Variants in POU6F2 observed in about 807,000 individuals in gnomAD.
POU6F2 encodes the protein POU domain, class 6, transcription factor 2.
POU6F2 carries 31 observed loss-of-function variants against 71.3 expected under a neutral mutation model. The observed-to-expected ratio is 0.43, with a 90% CI of 0.33 to 0.59. The LOEUF is 0.59. POU6F2 is among the 20% of genes least tolerant of loss of function. The probability of loss-of-function intolerance (pLI) is 0.04; values close to 1 mark genes in which losing one functional copy is unlikely to be tolerated. For synonymous variants in POU6F2, 347 were observed against 355.7 expected (o/e 0.98, Z 0.27); for missense variants, 783 against 856.8 (o/e 0.91, Z 1.07).
In POU6F2 at chr7:39,176,334, C is replaced by T. The variant is rs542231289; in HGVS notation, c.278-27901C>T. On this transcript the variant is annotated intron_variant, in intron 2 of 9. Transcript: ENST00000518318. ...CTACATTATCCTTAATGCTTAAATT[C>T]GAGGAAAAATTGCTCTGTAAGGAAT... Among the ~76,000 whole-genome samples, 9 of 152,204 alleles carry T rather than the reference C, an allele frequency of 5.9e-5. No homozygotes were observed. In the South Asian group the frequency reaches 8.3e-4, roughly 14 times the overall value.
At chr7:39,234,864 A>G (rs1169487771) in intron 4 of POU6F2, among the ~76,000 whole-genome samples, 3 of 152,224 alleles carry the variant, frequency 2.0e-5, no homozygotes, top group Non-Finnish European at 4.4e-5. Flanking sequence ...CTATCCAGAT[A>G]GGGCATCAAA....
intron 7 of POU6F2, among the ~76,000 whole-genome samples, chr7:39,443,722 C>G (rs1458618988): frequency 1.3e-5 from 2 of 152,138 alleles, no homozygotes; most frequent in African/African-American, 2.4e-5. Flanking sequence ...GTTAAAAGCT[C>G]AAAAGGTATA....
At chr7:39,055,980 A>T (rs1790507822) in intron 1 of POU6F2, among the ~76,000 whole-genome samples, 2 of 151,306 alleles carry the variant, frequency 1.3e-5, no homozygotes, top group Admixed American at 1.3e-4. Flanking sequence ...TTTGGTCTAG[A>T]TGACTCATCT....
intron 4 of POU6F2, among the ~76,000 whole-genome samples, chr7:39,219,003 A>C (rs1382136260): frequency 2.0e-5 from 3 of 152,162 alleles, no homozygotes; most frequent in Non-Finnish European, 4.4e-5. Flanking sequence ...ACCATTCTTC[A>C]AGCCCTGGAA....
chr7:39,013,370 C>T (rs1425662083), intron 1 of POU6F2: 8 of 152,476 alleles, frequency 5.2e-5, no homozygotes, highest in African/African-American at 1.4e-4. Flanking sequence ...GAGGCAATGC[C>T]TCGCCCTGCT....
At chr7:38,980,077 T>G (rs988293548) in intron 1 of POU6F2, among the ~76,000 whole-genome samples, 1 of 152,200 alleles carries the variant, frequency 6.6e-6, no homozygotes, top group Non-Finnish European at 1.5e-5. Context: ...TATGTACTCT[T>G]TAGTATAATT....
At chr7:39,302,666 A>G (rs747746742) in intron 4 of POU6F2, among the ~76,000 whole-genome samples, 3 of 152,364 alleles carry the variant, frequency 2.0e-5, no homozygotes, top group South Asian at 2.1e-4. Flanking sequence ...GAAACAATCA[A>G]TGAGAGCCAG....
intron 2 of POU6F2, among the ~76,000 whole-genome samples, chr7:39,168,041 T>G (rs4720311): frequency 0.41 from 62,658 of 151,866 alleles, 13,373 homozygotes; most frequent in East Asian, 0.75. Context: ...TTTTTTTGTG[T>G]CTGGCATATC....
intron 1 of POU6F2, among the ~76,000 whole-genome samples, chr7:38,988,142 A>G (rs1251018526): frequency 6.6e-6 from 1 of 152,074 alleles, no homozygotes; most frequent in East Asian, 1.9e-4. Context: ...CAGAGAGGTT[A>G]TGTGTCTTAT....
intron 5 of POU6F2, among the ~76,000 whole-genome samples, chr7:39,355,981 A>G (rs1302647281): frequency 6.6e-6 from 1 of 152,156 alleles, no homozygotes; most frequent in African/African-American, 2.4e-5. Context: ...GGCCAGGTCC[A>G]CAGGCCCCTG....
At chr7:39,061,070 A>G (rs1411635898) in intron 1 of POU6F2, among the ~76,000 whole-genome samples, 1 of 152,184 alleles carries the variant, frequency 6.6e-6, no homozygotes, top group Non-Finnish European at 1.5e-5. Context: ...ATATTAATGC[A>G]TGTTAAAATA....
At chr7:39,314,072 A>G (rs1325506930) in intron 4 of POU6F2, among the ~76,000 whole-genome samples, 6 of 152,210 alleles carry the variant, frequency 3.9e-5, no homozygotes, top group South Asian at 2.1e-4. Context: ...CGATTGTTCT[A>G]TTGTGTGTGA....
intron 1 of POU6F2, among the ~76,000 whole-genome samples, chr7:39,017,668 G>T (rs1789589066): frequency 6.6e-6 from 1 of 152,042 alleles, no homozygotes; most frequent in Non-Finnish European, 1.5e-5. Flanking sequence ...TAGCCATACC[G>T]GGCGTTCCTG....
At position 39,125,123 on chromosome 7, in the gene POU6F2, G is replaced by C. The variant is rs528828670; in HGVS notation, c.277+39092G>C. On this transcript the variant is annotated intron_variant, in intron 2 of 9. Transcript: ENST00000518318. ...CTTTTTTTAAATTGCACTTTAACTT[G>C]TATAGAAAATACTTTGATTCAGTTT... 7.9e-5 allele frequency among the ~76,000 whole-genome samples: 12 copies of C among 151,730 alleles called. 1 individual carries two copies. In the South Asian group the frequency reaches 1.9e-3, roughly 24 times the overall value.
At chr7:39,011,886 G>A (rs936213094) in intron 1 of POU6F2, among the ~76,000 whole-genome samples, 2 of 151,628 alleles carry the variant, frequency 1.3e-5, no homozygotes, top group Admixed American at 6.6e-5. Flanking sequence ...TTTCTGCCGA[G>A]AGATCCGCTG....
intron 1 of POU6F2, among the ~76,000 whole-genome samples, chr7:39,066,520 C>T (rs967896994): frequency 6.6e-6 from 1 of 151,476 alleles, no homozygotes; most frequent in Admixed American, 6.6e-5. Context: ...CCACATATAA[C>T]TTGATTATAG....
At chr7:39,073,573 A>AG (rs992819077) in intron 1 of POU6F2, among the ~76,000 whole-genome samples, 23 of 152,176 alleles carry the variant, frequency 1.5e-4, no homozygotes. Context: ...AGGACAGTCA[A>AG]GGGTCACCCT....
Position 39,246,905 on chromosome 7 carries a change from C to CTTTTTTTTTTTTTTTTTTTTTTTT in POU6F2, c.598+39308_598+39309insTTTTTTTTTTTTTTTTTTTTTTTT, listed in dbSNP as rs398004470. ...CCAGCTCACCCCAAATCCAGGGTGG[C>CTTTTTTTTTTTTTTTTTTTTTTTT]TTTTTTTTTTTTTTTTTTTTTTTGC... is the stretch of plus-strand genomic sequence containing the variant. On this transcript the variant is annotated intron_variant, in intron 4 of 9. Transcript: ENST00000518318. 1.4e-4 allele frequency among the ~76,000 whole-genome samples: 11 copies of CTTTTTTTTTTTTTTTTTTTTTTTT among 78,150 alleles called. 1 individual carries two copies. The highest frequency in any genetic ancestry group is 1.1e-3 in the South Asian group (2 of 1,790). The allele number at this position is 78,150 out of a possible 152,430, so 51.3% of individuals were successfully genotyped here. A position where few individuals can be genotyped will look rare whatever the true frequency, so the allele number is the denominator to read the frequency against.
chr7:39,099,885 G>C (rs1394242741), intron 2 of POU6F2, among the ~76,000 whole-genome samples: 1 of 152,166 alleles, frequency 6.6e-6, no homozygotes, highest in Non-Finnish European at 1.5e-5. Context: ...AGAGATTAAT[G>C]ATCAGCAGGG....
Sources: allele counts gnomAD v4.1 joint callset (sites outside exome capture counted in the v4.1 genomes callset), GRCh38; gene constraint gnomAD v4.1.1; transcripts MANE v1.5; gene names NCBI Gene and HGNC (gene_info 2026-07-23, HGNC 2026-07-21).